The following CAST variants were observed in gnomAD, a reference collection of about 807,000 sequenced individuals.
The protein encoded by CAST is calpastatin.
CAST carries 76 observed loss-of-function variants against 119.6 expected under a neutral mutation model. The ratio of observed to expected loss-of-function variants is 0.64; its 90% CI spans 0.53 to 0.77. The LOEUF is 0.77. Ranked by LOEUF, CAST falls within the 30% of genes least tolerant of loss-of-function variation. CAST has a pLI of 0.00. For synonymous variants in CAST, 319 were observed against 331.6 expected, an observed-to-expected ratio of 0.96 and a Z score of 0.41; for missense variants, 953 against 946.5, an observed-to-expected ratio of 1.01 and a Z score of -0.09.
intron 1 of CAST, among the ~76,000 whole-genome samples, chr5:96,671,272 C>T (rs1750033315): frequency 2.0e-5 from 3 of 152,124 alleles, no homozygotes; most frequent in Admixed American, 2.0e-4. Context: ...CTGTCCTGCT[C>T]TTCCTGTCTT....
chr5:96,192,689 C>T, the CAST span, among the ~76,000 whole-genome samples: 1 of 152,208 alleles, frequency 6.6e-6, no homozygotes, highest in Non-Finnish European at 1.5e-5. Context: ...CAACGTCAGA[C>T]TTGGCCATGT....
the CAST span, among the ~76,000 whole-genome samples, chr5:96,096,612 T>G: frequency 6.6e-6 from 1 of 152,344 alleles, no homozygotes; most frequent in East Asian, 1.9e-4. Flanking sequence ...TCCATTTTAT[T>G]TAGCCATTTA....
intron 1 of CAST, among the ~76,000 whole-genome samples, chr5:96,650,875 G>T (rs1283269803): frequency 1.3e-5 from 2 of 152,018 alleles, no homozygotes; most frequent in Non-Finnish European, 1.5e-5. Flanking sequence ...GTTTAGCAAA[G>T]AATTTTTTCA....
chr5:96,041,102 G>A, the CAST span, among the ~76,000 whole-genome samples: 1 of 151,968 alleles, frequency 6.6e-6, no homozygotes, highest in Non-Finnish European at 1.5e-5. Context: ...GTCTTGGGAG[G>A]CATAAATACC....
chr5:96,604,323 C>T (rs1319278722), intron 1 of CAST, among the ~76,000 whole-genome samples: 2 of 152,182 alleles, frequency 1.3e-5, no homozygotes, highest in Non-Finnish European at 2.9e-5. Context: ...TGAGTTCCAT[C>T]ATGTCTGGAA....
At chr5:96,277,911 G>T in the CAST span, among the ~76,000 whole-genome samples, 25 of 152,104 alleles carry the variant, frequency 1.6e-4, no homozygotes, top group Non-Finnish European at 3.2e-4. Flanking sequence ...CCATGAGTGT[G>T]GTGGTGGTGG....
At chr5:95,979,354 C>T in the CAST span, among the ~76,000 whole-genome samples, 1 of 152,096 alleles carries the variant, frequency 6.6e-6, no homozygotes, top group African/African-American at 2.4e-5. Context: ...CCTTCCTAGA[C>T]AAAATAACTT....
the CAST span, among the ~76,000 whole-genome samples, chr5:96,502,499 T>G: frequency 6.6e-6 from 1 of 151,972 alleles, no homozygotes; most frequent in Non-Finnish European, 1.5e-5. Context: ...ATTGTTTAAT[T>G]AAAAAACAGT....
chr5:96,280,259 G>T, the CAST span, among the ~76,000 whole-genome samples: 3 of 151,880 alleles, frequency 2.0e-5, no homozygotes, highest in Admixed American at 6.6e-5. Flanking sequence ...TTGCTGTTTG[G>T]TAGTTCCTAA....
chr5:96,502,170 T>C, the CAST span, among the ~76,000 whole-genome samples: 3 of 152,232 alleles, frequency 2.0e-5, no homozygotes, highest in Non-Finnish European at 4.4e-5. Flanking sequence ...ACATAAATCC[T>C]GTACTTCAAA....
At chr5:96,568,306 T>C (rs1746509070) in intron 1 of CAST, among the ~76,000 whole-genome samples, 1 of 152,170 alleles carries the variant, frequency 6.6e-6, no homozygotes, top group Non-Finnish European at 1.5e-5. Context: ...GGCTCACGCC[T>C]GTAATCTCAG....
At chr5:96,051,199 CGT>C in the CAST span, among the ~76,000 whole-genome samples, 4 of 150,928 alleles carry the variant, frequency 2.7e-5, no homozygotes, top group East Asian at 2.0e-4. Context: ...TTCATTCAGG[CGT>C]GTGTGTGTGT....
At chr5:96,316,056 T>G in the CAST span, among the ~76,000 whole-genome samples, 1 of 152,160 alleles carries the variant, frequency 6.6e-6, no homozygotes. Flanking sequence ...TTCTCTGAAT[T>G]TCTGACCCAT....
At chr5:95,981,571 C>A in the CAST span, among the ~76,000 whole-genome samples, 1 of 152,170 alleles carries the variant, frequency 6.6e-6, no homozygotes, top group Non-Finnish European at 1.5e-5. Context: ...TGGAAACCAC[C>A]TATCCCTTAA....
the CAST span, among the ~76,000 whole-genome samples, chr5:96,146,877 G>A: frequency 6.6e-6 from 1 of 152,218 alleles, no homozygotes; most frequent in Non-Finnish European, 1.5e-5. Flanking sequence ...GAAAAGGGAA[G>A]AGAGTGAAGA....
chr5:96,072,453 G>C, the CAST span, among the ~76,000 whole-genome samples: 1 of 152,276 alleles, frequency 6.6e-6, no homozygotes, highest in South Asian at 2.1e-4. Flanking sequence ...GCTTTTACAG[G>C]TGCTTCAGCC....
At chr5:96,286,039 T>A in the CAST span, among the ~76,000 whole-genome samples, 1 of 152,236 alleles carries the variant, frequency 6.6e-6, no homozygotes. Context: ...GGTTTTATTT[T>A]AACATAGAAA....
At chr5:96,736,774 T>C (rs1485595251) in intron 10 of CAST, among the ~76,000 whole-genome samples, 1 of 152,232 alleles carries the variant, frequency 6.6e-6, no homozygotes, top group African/African-American at 2.4e-5. Context: ...TGCAGGTTAT[T>C]GTTCATAACG....
the CAST span, among the ~76,000 whole-genome samples, chr5:96,054,607 A>G: frequency 3.7e-4 from 56 of 152,324 alleles, no homozygotes; most frequent in African/African-American, 1.3e-3. Flanking sequence ...ATTCTGTGTC[A>G]TAATTTCCTT....
Sources: allele counts gnomAD v4.1 joint callset (sites outside exome capture counted in the v4.1 genomes callset), GRCh38; gene constraint gnomAD v4.1.1; transcripts MANE v1.5; gene names NCBI Gene and HGNC (gene_info 2026-07-23, HGNC 2026-07-21).